The following SORCS3 variants were observed in gnomAD, a reference collection of about 807,000 sequenced individuals.
SORCS3 encodes the protein VPS10 domain-containing receptor SorCS3.
SORCS3 carries 57 observed loss-of-function variants against 146.3 expected under a neutral mutation model. That is an observed-to-expected ratio of 0.39 (90% CI 0.31 to 0.49). The LOEUF is 0.49. Ranked by LOEUF, SORCS3 falls within the 20% of genes least tolerant of loss-of-function variation. The pLI, the probability that SORCS3 is intolerant of heterozygous loss-of-function variation, is 0.92. For missense variants in SORCS3, 1,341 were observed against 1,575.5 expected (o/e 0.85, Z 2.52); for synonymous variants, 653 against 618.5 (o/e 1.06, Z -0.83).
rs369146340 is a variant in SORCS3, at chr10:105,223,088, C to T, written c.2735-28C>T. On this transcript the variant is annotated intron_variant, in intron 19 of 26. Coordinates refer to ENST00000369701, the MANE Select transcript of SORCS3 (RefSeq NM_014978.3). ...AGTTTGACCACATCCAGAATATAAA[C>T]ACTGACTTTTTTTTTCTGTTTCCTT... 2.8e-5 allele frequency: 45 copies of T among 1,579,192 alleles called. 1 individual carries two copies. The African/African-American group carries it at 5.6e-4, about 19-fold the overall frequency.
chr10:104,864,481 A>C (rs1284344853), intron 2 of SORCS3, among the ~76,000 whole-genome samples: 1 of 152,132 alleles, frequency 6.6e-6, no homozygotes, highest in Middle Eastern at 3.2e-3. Flanking sequence ...GCTCCCTGCC[A>C]TTGCCAGTGT....
chr10:104,644,274 C>G (rs958515146), intron 1 of SORCS3, among the ~76,000 whole-genome samples: 3 of 152,284 alleles, frequency 2.0e-5, no homozygotes, highest in Non-Finnish European at 2.9e-5. Flanking sequence ...ACTGTCCTCT[C>G]TCTCCAATCT....
chr10:105,210,719 A>G (rs1473617448), intron 16 of SORCS3, among the ~76,000 whole-genome samples: 1 of 152,180 alleles, frequency 6.6e-6, no homozygotes, highest in African/African-American at 2.4e-5. Context: ...CTATGTGTCC[A>G]TGTGAATGGA....
chr10:105,102,199 A>G (rs1217160108), intron 6 of SORCS3, among the ~76,000 whole-genome samples: 11 of 152,102 alleles, frequency 7.2e-5, no homozygotes, highest in Non-Finnish European at 1.5e-5. Context: ...TGCAGAGCAG[A>G]AAGGAATATA....
chr10:105,148,773 T>G (rs2056149497), intron 9 of SORCS3, among the ~76,000 whole-genome samples: 1 of 152,048 alleles, frequency 6.6e-6, no homozygotes, highest in Non-Finnish European at 1.5e-5. Flanking sequence ...AGTGGTCTCC[T>G]CTAAGCAGTG....
chr10:104,643,709 GGTGTGT>G lies in SORCS3; in HGVS notation c.627+1786_627+1791del, dbSNP rs3069967. 5.4e-3 allele frequency among the ~76,000 whole-genome samples: 777 copies of G among 144,728 alleles called. 5 individuals carry two copies. Among genetic ancestry groups the G allele is most frequent in the African/African-American group, 0.019 (716 of 38,242 alleles). 94.9% of individuals were successfully genotyped at this position (144,728 alleles called of 152,430 possible). On this transcript the variant is annotated intron_variant, in intron 1 of 26. Coordinates refer to ENST00000369701, the MANE Select transcript of SORCS3 (RefSeq NM_014978.3). ...AACTTCATTTTAGTTTGATAATTAG[GGTGTGT>G]GTGTGTGTGTGTGTGTGTGTGTGTG...
chr10:104,706,773 C>A (rs1423901066), intron 1 of SORCS3, among the ~76,000 whole-genome samples: 1 of 152,256 alleles, frequency 6.6e-6, no homozygotes. Context: ...TTTATTTATA[C>A]CTACATAAAC....
intron 1 of SORCS3, among the ~76,000 whole-genome samples, chr10:104,723,731 A>G (rs553163227): frequency 2.2e-4 from 34 of 152,064 alleles, no homozygotes; most frequent in African/African-American, 8.2e-4. Flanking sequence ...TCCATTGTGT[A>G]ATGACCTTTG....
At chr10:105,243,036 C>CATATATTTATATATATTTATATATTTAT (rs2056845827) in intron 20 of SORCS3, among the ~76,000 whole-genome samples, 1 of 129,394 alleles carries the variant, frequency 7.7e-6, no homozygotes, top group Non-Finnish European at 1.6e-5. Flanking sequence ...TATATATTTA[C>CATATATTTATATATATTTATATATTTAT]ATATATTTAT....
chr10:105,245,066 C>CAA (rs3043042), intron 20 of SORCS3, among the ~76,000 whole-genome samples: 3,005 of 99,572 alleles, frequency 0.03, 87 homozygotes, highest in Non-Finnish European at 0.034. Context: ...AAGACTCTGT[C>CAA]AAAAAAAAAA....
At chr10:104,951,797 C>T (rs2019433711) in intron 3 of SORCS3, among the ~76,000 whole-genome samples, 1 of 152,066 alleles carries the variant, frequency 6.6e-6, no homozygotes, top group African/African-American at 2.4e-5. Context: ...AAGTCACATC[C>T]CAGGATATTC....
At chr10:105,137,402 A>T (rs955335141) in intron 7 of SORCS3, among the ~76,000 whole-genome samples, 10 of 152,174 alleles carry the variant, frequency 6.6e-5, no homozygotes, top group African/African-American at 2.4e-4. Context: ...AGAACTAAAT[A>T]GAGGGTCTGG....
At chr10:105,081,624 G>C (rs747139027) in intron 5 of SORCS3, among the ~76,000 whole-genome samples, 2 of 152,172 alleles carry the variant, frequency 1.3e-5, no homozygotes, top group Non-Finnish European at 2.9e-5. Context: ...CTAAAAATAA[G>C]TTTGAAGCCA....
chr10:104,661,290 T>C (rs1473472330), intron 1 of SORCS3, among the ~76,000 whole-genome samples: 1 of 152,200 alleles, frequency 6.6e-6, no homozygotes, highest in Non-Finnish European at 1.5e-5. Flanking sequence ...TATTCAGGGA[T>C]AAGAAATAGG....
intron 5 of SORCS3, among the ~76,000 whole-genome samples, chr10:105,069,742 C>T (rs1486262663): frequency 6.6e-6 from 1 of 152,040 alleles, no homozygotes; most frequent in African/African-American, 2.4e-5. Flanking sequence ...TTTGAAATGT[C>T]GTCCCTCTTA....
chr10:105,054,671 T>C (rs571789102), intron 5 of SORCS3, among the ~76,000 whole-genome samples: 2 of 152,214 alleles, frequency 1.3e-5, no homozygotes, highest in South Asian at 4.1e-4. Flanking sequence ...TTACATAAGA[T>C]AAACTCTGGT....
At chr10:104,778,617 T>A (rs2017339334) in intron 1 of SORCS3, among the ~76,000 whole-genome samples, 1 of 152,232 alleles carries the variant, frequency 6.6e-6, no homozygotes, top group Non-Finnish European at 1.5e-5. Flanking sequence ...TCCTGTCAGA[T>A]GAGTCTGGTA....
rs945088378 is a variant in SORCS3 at position 104,842,835 on chromosome 10, G to T, written c.671G>T (p.Ser224Ile). ...AAGCTGTATGACTTCAACCTGGGCA[G>T]CGTGACTGAGAGTTCACTATGGAGG... is the stretch of plus-strand genomic sequence containing the variant. ...LTKLYDFNLGSVTESSLWRST... is the reference protein window; with the variant it reads ...LTKLYDFNLGIVTESSLWRST... The change falls in exon 2 of 27, where the codon AGC becomes ATC. Residue 224 changes from serine (S) to isoleucine (I), a missense_variant. Physicochemically the swap from Ser to Ile is moderately radical, Grantham distance 142. Coordinates refer to ENST00000369701, the MANE Select transcript of SORCS3 (RefSeq NM_014978.3). 3 of 1,613,836 alleles carry T rather than the reference G, an allele frequency of 1.9e-6. No homozygotes were observed. In the African/African-American group the frequency reaches 4.0e-5, roughly 22 times the overall value.
At chr10:104,684,547 C>T (rs565656291) in intron 1 of SORCS3, among the ~76,000 whole-genome samples, 3 of 152,260 alleles carry the variant, frequency 2.0e-5, no homozygotes, top group Middle Eastern at 3.4e-3. Flanking sequence ...TTGGCAGGGG[C>T]TGCGGTGTGT....
Sources: allele counts gnomAD v4.1 joint callset (sites outside exome capture counted in the v4.1 genomes callset), GRCh38; gene constraint gnomAD v4.1.1; transcripts MANE v1.5; gene names NCBI Gene and HGNC (gene_info 2026-07-23, HGNC 2026-07-21).